PCDHA6: variants seen among roughly 807,000 people sequenced by gnomAD.
The protein encoded by PCDHA6 is protocadherin alpha 6.
PCDHA6 carries 55 observed loss-of-function variants against 60.3 expected under a neutral mutation model. The ratio of observed to expected loss-of-function variants is 0.91; its 90% confidence interval spans 0.73 to 1.14. The LOEUF (loss-of-function observed/expected upper bound fraction) is 1.14. Ranked by LOEUF, PCDHA6 falls within the 50% of genes most tolerant of loss-of-function variation. The pLI is 0.00. For synonymous variants in PCDHA6, 652 were observed against 557.9 expected (o/e 1.17, Z -2.38); for missense variants, 1,327 against 1,256.5 (o/e 1.06, Z -0.85).
intron 1 of PCDHA6, chr5:140,868,490 A>G (rs1383994336): frequency 6.6e-6 from 1 of 152,330 alleles, no homozygotes; most frequent in African/African-American, 2.4e-5. Flanking sequence ...TTTTTCTTTG[A>G]GTTCCCTAGC....
chr5:141,006,636 A>G (rs1322633928), intron 3 of PCDHA6, among the ~76,000 whole-genome samples: 3 of 152,210 alleles, frequency 2.0e-5, no homozygotes, highest in African/African-American at 7.2e-5. Context: ...TGCAATTCAT[A>G]TAAGAGATGA....
rs931844758 is a variant in PCDHA6 at position 140,867,293 on chromosome 5, A to G, written c.2394+36808A>G. 2.6e-5 allele frequency: 4 copies of G among 152,096 alleles called. No homozygotes were observed. The South Asian group carries it at 6.2e-4, about 24-fold the overall frequency. The allele number at this position is 152,096 out of a possible 1,614,324, so 9.4% of individuals were successfully genotyped here. The stretch of plus-strand genomic sequence containing the variant: ...ATAAACCTGATGTGCTTCAAATATC[A>G]TGTTGAATATACTGTCATCTGGTCT... On this transcript the variant is annotated intron_variant, in intron 1 of 3. Coordinates refer to ENST00000529310, the MANE Select transcript of PCDHA6 (RefSeq NM_018909.4).
intron 1 of PCDHA6, among the ~76,000 whole-genome samples, chr5:140,954,686 G>T (rs962904413): frequency 6.6e-6 from 1 of 152,024 alleles, no homozygotes; most frequent in African/African-American, 2.4e-5. Context: ...TTGTCAGATG[G>T]ATAGACTACA....
chr5:140,841,832 A>C lies in PCDHA6; in HGVS notation c.2394+11347A>C, dbSNP rs2150323829. The C allele has an allele frequency of 3.7e-6, 6 of 1,613,806 alleles. No homozygotes were observed. The South Asian group carries it at 5.5e-5, about 15-fold the overall frequency. ...TGGAGCTAACTCCGTGTTAACCTAC[A>C]GGCTTAGCTCTCATGATTACTTCAT... is the stretch of plus-strand genomic sequence containing the variant. On this transcript the variant is annotated intron_variant, in intron 1 of 3. Coordinates refer to ENST00000529310, the MANE Select transcript of PCDHA6 (RefSeq NM_018909.4).
chr5:140,833,753 C>CAT (rs1554133947), intron 1 of PCDHA6, among the ~76,000 whole-genome samples: 1 of 148,592 alleles, frequency 6.7e-6, no homozygotes, highest in East Asian at 1.9e-4. Context: ...AAAAAGAAAA[C>CAT]ACACACACAC....
At position 140,857,332 on chromosome 5, in the gene PCDHA6, C is replaced by G. The variant is rs782461373; in HGVS notation, c.2394+26847C>G. The G allele has an allele frequency of 1.9e-6, 3 of 1,598,330 alleles. 1 individual carries two copies. The highest frequency in any genetic ancestry group is 2.6e-6 in the Non-Finnish European group (3 of 1,167,876). On this transcript the variant is annotated intron_variant, in intron 1 of 3. Transcript: ENST00000529310. Reference sequence around the variant, plus strand: ...ATGAGCTGGTGGTGACCGCGCGGGACGGGGGCTCGCCTCCGCTGTGGGCCA... The same window carrying G: ...ATGAGCTGGTGGTGACCGCGCGGGAGGGGGGCTCGCCTCCGCTGTGGGCCA...
chr5:140,831,520 CTTTTTTT>C (rs35178185), intron 1 of PCDHA6, among the ~76,000 whole-genome samples: 8 of 122,400 alleles, frequency 6.5e-5, no homozygotes, highest in African/African-American at 9.5e-5. Context: ...TGCCCCCCAC[CTTTTTTT>C]TTTTTTTTTT....
intron 1 of PCDHA6, chr5:140,883,849 G>A (rs2059850853): frequency 1.2e-6 from 2 of 1,612,940 alleles, no homozygotes; most frequent in East Asian, 2.2e-5. Context: ...ACCACGAGGA[G>A]CTGGAGCTGT....
intron 1 of PCDHA6, chr5:140,836,636 C>A (rs2150266431): frequency 5.6e-6 from 9 of 1,613,404 alleles, no homozygotes; most frequent in Admixed American, 3.3e-5. Context: ...GGTCATTCTC[C>A]CAGCAGAGGC....
intron 1 of PCDHA6, among the ~76,000 whole-genome samples, chr5:140,908,488 A>G (rs2073999089): frequency 6.6e-6 from 1 of 152,206 alleles, no homozygotes; most frequent in Non-Finnish European, 1.5e-5. Flanking sequence ...TAGGCAGTTC[A>G]GGTTGCTTGG....
chr5:140,851,858 A>T, intron 1 of PCDHA6: 3 of 973,970 alleles, frequency 3.1e-6, no homozygotes, highest in Non-Finnish European at 3.7e-6. Flanking sequence ...CTCTCAGCTC[A>T]TACATAACAC....
At chr5:140,925,138 CA>C (rs2153576707) in intron 1 of PCDHA6, among the ~76,000 whole-genome samples, 1 of 151,676 alleles carries the variant, frequency 6.6e-6, no homozygotes, top group South Asian at 2.1e-4. Flanking sequence ...AAATTTCAAA[CA>C]TACACAAAAG....
intron 1 of PCDHA6, chr5:140,884,027 G>C (rs2059948411): frequency 6.2e-7 from 1 of 1,613,258 alleles, no homozygotes; most frequent in Admixed American, 1.7e-5. Context: ...GTCGGTGGGT[G>C]CAGGCCACGT....
intron 1 of PCDHA6, among the ~76,000 whole-genome samples, chr5:140,933,949 G>A (rs184768008): frequency 6.6e-6 from 1 of 151,792 alleles, no homozygotes; most frequent in African/African-American, 2.4e-5. Flanking sequence ...CACATCTGCA[G>A]GATCTGTAGT....
At chr5:140,920,868 T>C (rs1248971730) in intron 1 of PCDHA6, among the ~76,000 whole-genome samples, 4 of 149,716 alleles carry the variant, frequency 2.7e-5, no homozygotes, top group Non-Finnish European at 1.5e-5. Context: ...ACAAACAAAC[T>C]GTGGCCCTTA....
intron 1 of PCDHA6, among the ~76,000 whole-genome samples, chr5:140,973,378 A>C (rs1453357452): frequency 6.6e-6 from 1 of 152,238 alleles, no homozygotes; most frequent in Non-Finnish European, 1.5e-5. Context: ...CAATGGTCAG[A>C]ATAGACAAAG....
intron 1 of PCDHA6, among the ~76,000 whole-genome samples, chr5:140,898,083 A>G (rs2066516404): frequency 6.6e-6 from 1 of 151,810 alleles, no homozygotes; most frequent in South Asian, 2.1e-4. Context: ...TAGATTCTGG[A>G]TATTAGCCCT....
intron 1 of PCDHA6, chr5:140,835,513 G>C: frequency 3.1e-6 from 5 of 1,613,936 alleles, no homozygotes; most frequent in Non-Finnish European, 4.2e-6. Context: ...GTGTTTGACC[G>C]AGATTTTGGA....
intron 3 of PCDHA6, among the ~76,000 whole-genome samples, chr5:140,990,272 C>A (rs568200508): frequency 6.6e-6 from 1 of 152,196 alleles, no homozygotes; most frequent in African/African-American, 2.4e-5. Flanking sequence ...CAATGTACCC[C>A]GGGTCTTGAG....
Sources: gnomAD v4.1 joint callset for allele counts (sites outside exome capture counted in the v4.1 genomes callset) on GRCh38, gnomAD v4.1.1 for gene constraint, MANE v1.5 for transcripts, NCBI Gene and HGNC (gene_info 2026-07-23, HGNC 2026-07-21) for gene names.